Variants in SCAMP1 observed in about 807,000 individuals in gnomAD.
The protein encoded by SCAMP1 is secretory carrier-associated membrane protein 1.
Under a neutral mutation model 41.8 loss-of-function variants are expected in SCAMP1, and 15 were observed. That is an observed-to-expected ratio of 0.36 (90% CI 0.24 to 0.55). The LOEUF (loss-of-function observed/expected upper bound fraction) is 0.55. SCAMP1 is among the 20% of genes least tolerant of loss of function. The probability of loss-of-function intolerance (pLI) is 0.86; values close to 1 mark genes in which losing one functional copy is unlikely to be tolerated. For synonymous variants in SCAMP1, 135 were observed against 136.8 expected (o/e 0.99, Z 0.09); for missense variants, 341 against 412.6 (o/e 0.83, Z 1.50).
At chr5:78,401,017 A>C (rs996333722) in intron 2 of SCAMP1, among the ~76,000 whole-genome samples, 3 of 152,138 alleles carry the variant, frequency 2.0e-5, no homozygotes, top group African/African-American at 7.2e-5. Context: ...GTTCCCCTCT[A>C]TTCCTAGTTT....
At chr5:78,416,134 A>G (rs1019109828) in intron 3 of SCAMP1, among the ~76,000 whole-genome samples, 8 of 152,174 alleles carry the variant, frequency 5.3e-5, no homozygotes, top group African/African-American at 1.9e-4. Context: ...TGGTGGCCTT[A>G]TATATCATTT....
rs1335329282 is a variant in SCAMP1 at position 78,476,425 on chromosome 5, A to T, written c.*757A>T. 1.3e-5 allele frequency: 2 copies of T among 152,656 alleles called. No homozygotes were observed. The highest frequency in any genetic ancestry group is 1.9e-4 in the East Asian group (1 of 5,196). 9.5% of individuals were successfully genotyped at this position (152,656 alleles called of 1,614,324 possible). On this transcript the variant is annotated 3_prime_UTR_variant, in exon 9 of 9. Transcript: ENST00000621999. ...AATATAAGAAGTTTATATAATATGC[A>T]GTACATTATCCAAAAGAGAAGGTAG...
chr5:78,408,139 A>AAG (rs1167513466), intron 2 of SCAMP1, among the ~76,000 whole-genome samples: 1 of 152,172 alleles, frequency 6.6e-6, no homozygotes, highest in Admixed American at 6.5e-5. Flanking sequence ...TATAAAGAAA[A>AAG]AGAGTTTTAA....
chr5:78,430,966 C>T (rs1157600448), intron 6 of SCAMP1, among the ~76,000 whole-genome samples: 3 of 152,002 alleles, frequency 2.0e-5, no homozygotes, highest in Non-Finnish European at 4.4e-5. Context: ...ACTTTGTATG[C>T]AGCTTATTTC....
chr5:78,382,853 A>G (rs10052476), intron 1 of SCAMP1, among the ~76,000 whole-genome samples: 143,015 of 151,306 alleles, frequency 0.95, 67,788 homozygotes, highest in Non-Finnish European at 0.97. Context: ...GTTGATTGAT[A>G]TGAATTTAGG....
intron 6 of SCAMP1, among the ~76,000 whole-genome samples, chr5:78,424,524 G>A (rs1017509593): frequency 6.6e-6 from 1 of 152,120 alleles, no homozygotes; most frequent in Admixed American, 6.5e-5. Flanking sequence ...GAGGTCAGGC[G>A]TTTGAGAACA....
At chr5:78,415,707 T>A in intron 3 of SCAMP1, 89 bp downstream of exon 3, 2 of 797,972 alleles carry the variant, frequency 2.5e-6, no homozygotes, top group Non-Finnish European at 4.0e-6. Flanking sequence ...TTTATATGGT[T>A]ACATTTCTGT....
chr5:78,374,680 C>A (rs181394691), intron 1 of SCAMP1, among the ~76,000 whole-genome samples: 138 of 151,298 alleles, frequency 9.1e-4, no homozygotes, highest in African/African-American at 3.1e-3. Context: ...TCTCTAGAAT[C>A]TATAGAGTGT....
At chr5:78,405,555 CT>C (rs1751914348) in intron 2 of SCAMP1, among the ~76,000 whole-genome samples, 2 of 152,138 alleles carry the variant, frequency 1.3e-5, no homozygotes, top group South Asian at 4.1e-4. Context: ...TCACTCTGGT[CT>C]TTTTGTTGTT....
chr5:78,395,883 T>C (rs1751638638), intron 2 of SCAMP1, among the ~76,000 whole-genome samples: 1 of 152,204 alleles, frequency 6.6e-6, no homozygotes, highest in African/African-American at 2.4e-5. Flanking sequence ...ATTTTTACCA[T>C]ATTCTCTTGG....
chr5:78,380,831 C>T (rs533522651), intron 1 of SCAMP1, among the ~76,000 whole-genome samples: 3 of 152,176 alleles, frequency 2.0e-5, no homozygotes, highest in Non-Finnish European at 1.5e-5. Flanking sequence ...TTTGGGAGGC[C>T]GAGGCAGGTG....
intron 8 of SCAMP1, among the ~76,000 whole-genome samples, chr5:78,475,283 C>T (rs1753978045): frequency 6.6e-6 from 1 of 151,884 alleles, no homozygotes; most frequent in South Asian, 2.1e-4. Context: ...TTTAAATTAG[C>T]ATAATTATCT....
At chr5:78,413,984 G>C (rs967375224) in intron 2 of SCAMP1, among the ~76,000 whole-genome samples, 3 of 148,806 alleles carry the variant, frequency 2.0e-5, no homozygotes, top group African/African-American at 7.4e-5. Flanking sequence ...TTCTGTTACT[G>C]TTTTTGCTTC....
chr5:78,409,517 T>C (rs1264766614), intron 2 of SCAMP1, among the ~76,000 whole-genome samples: 1 of 152,064 alleles, frequency 6.6e-6, no homozygotes, highest in Non-Finnish European at 1.5e-5. Context: ...ACAATAGGTA[T>C]TTAGTAGTGA....
At chr5:78,458,709 G>A (rs187322762) in intron 7 of SCAMP1, among the ~76,000 whole-genome samples, 284 of 152,140 alleles carry the variant, frequency 1.9e-3, no homozygotes, top group Admixed American at 6.0e-3. Flanking sequence ...GTGAAACCCC[G>A]TCTCTACTAA....
At chr5:78,408,250 G>A (rs1276963547) in intron 2 of SCAMP1, among the ~76,000 whole-genome samples, 1 of 152,162 alleles carries the variant, frequency 6.6e-6, no homozygotes, top group Non-Finnish European at 1.5e-5. Flanking sequence ...AAGAGAGCAT[G>A]TGTAGGGGAA....
At position 78,476,317 on chromosome 5, in the gene SCAMP1, A is replaced by G. The variant is rs577411254; in HGVS notation, c.*649A>G. Reference sequence around the variant, plus strand: ...TAGTGTTTTGGCTTCTGTACTGCTTATGGTTGTAGGATTCAGGGGTTAATG... The same window carrying G: ...TAGTGTTTTGGCTTCTGTACTGCTTGTGGTTGTAGGATTCAGGGGTTAATG... On this transcript the variant is annotated 3_prime_UTR_variant, in exon 9 of 9. Transcript: ENST00000621999. 1 of 152,268 alleles carries G rather than the reference A, an allele frequency of 6.6e-6. No homozygotes were observed. Among genetic ancestry groups the G allele is most frequent in the East Asian group, 1.9e-4 (1 of 5,182 alleles). 9.4% of individuals were successfully genotyped at this position (152,268 alleles called of 1,614,324 possible). A position where few individuals can be genotyped will look rare whatever the true frequency, so the allele number is the denominator to read the frequency against.
chr5:78,436,938 A>C (rs1194766094), intron 6 of SCAMP1, among the ~76,000 whole-genome samples: 2 of 152,146 alleles, frequency 1.3e-5, no homozygotes, highest in African/African-American at 4.8e-5. Flanking sequence ...GGGGTCCTTC[A>C]CATCCCTTGT....
chr5:78,382,800 TGTGTGTGTGTGTGTGTGTGC>T (rs1276887649), intron 1 of SCAMP1, among the ~76,000 whole-genome samples: 2 of 132,980 alleles, frequency 1.5e-5, no homozygotes, highest in African/African-American at 2.7e-5. Context: ...TGTGTGTGTG[TGTGTGTGTGTGTGTGTGTGC>T]GCCACATTTT....
Sources: gnomAD v4.1 joint callset for allele counts (sites outside exome capture counted in the v4.1 genomes callset) on GRCh38, gnomAD v4.1.1 for gene constraint, MANE v1.5 for transcripts, NCBI Gene and HGNC (gene_info 2026-07-23, HGNC 2026-07-21) for gene names.